The following SEMA3A variants were observed in gnomAD, a reference collection of about 807,000 sequenced individuals.
SEMA3A encodes the protein semaphorin-3A.
Under a neutral mutation model 97.9 loss-of-function variants are expected in SEMA3A, and 29 were observed. That is an observed-to-expected ratio of 0.30 (90% CI 0.22 to 0.40). The LOEUF is 0.40. Among genes scored for constraint, SEMA3A ranks in the 10% least tolerant of loss-of-function variants. The pLI, the probability that SEMA3A is intolerant of heterozygous loss-of-function variation, is 1.00. For missense variants in SEMA3A, 763 were observed against 951.3 expected, an observed-to-expected ratio of 0.80 and a Z score of 2.60; for synonymous variants, 321 against 323.7, an observed-to-expected ratio of 0.99 and a Z score of 0.09.
intron 2 of SEMA3A, among the ~76,000 whole-genome samples, chr7:84,347,371 TAAG>T (rs1802325355): frequency 1.3e-5 from 2 of 149,930 alleles, no homozygotes; most frequent in Admixed American, 6.7e-5. Flanking sequence ...TTAGCAATAA[TAAG>T]AACAGCTTAC....
chr7:84,120,999 A>C (rs184253379), intron 3 of SEMA3A, among the ~76,000 whole-genome samples: 1 of 152,242 alleles, frequency 6.6e-6, no homozygotes, highest in African/African-American at 2.4e-5. Context: ...CTCTGGATGA[A>C]AAAACCTAAA....
intron 2 of SEMA3A, among the ~76,000 whole-genome samples, chr7:84,336,854 T>C (rs1802048625): frequency 6.6e-6 from 1 of 152,160 alleles, no homozygotes; most frequent in Admixed American, 6.6e-5. Context: ...GGTTGAAGTA[T>C]GAAAAAATTA....
chr7:84,056,021 G>C (rs10239684), intron 5 of SEMA3A, among the ~76,000 whole-genome samples: 121,685 of 152,034 alleles, frequency 0.8, 48,894 homozygotes, highest in East Asian at 0.9. Context: ...GATCTTTAAG[G>C]CTCTCCAAAA....
chr7:84,408,423 G>A (rs1411584331), intron 1 of SEMA3A, among the ~76,000 whole-genome samples: 1 of 151,282 alleles, frequency 6.6e-6, no homozygotes, highest in Non-Finnish European at 1.5e-5. Flanking sequence ...GGAGAAATAG[G>A]AACACTTTTA....
chr7:84,242,645 G>A (rs1242966626), intron 3 of SEMA3A, among the ~76,000 whole-genome samples: 2 of 152,044 alleles, frequency 1.3e-5, no homozygotes, highest in Admixed American at 1.3e-4. Context: ...TTGCCTGATT[G>A]CCCTGGCCAG....
At position 84,440,135 on chromosome 7, in the gene SEMA3A, G is replaced by C. The variant is rs200276122; in HGVS notation, c.-246+52325C>G. Among the ~76,000 whole-genome samples the C allele has an allele frequency of 3.3e-5, 5 of 152,330 alleles. No individual in the cohort carries two copies. The East Asian group carries it at 9.7e-4, about 29-fold the overall frequency. ...AAAATGGCAGCGTGTAAAGCACTAGGAATCTGTCTCCTTACCTAGACAACA... is the reference window on the plus strand; with the variant it reads ...AAAATGGCAGCGTGTAAAGCACTAGCAATCTGTCTCCTTACCTAGACAACA... On this transcript the variant is annotated intron_variant, in intron 1 of 3. Transcript: ENST00000424555.
At chr7:84,116,706 G>C (rs1279079306) in intron 3 of SEMA3A, among the ~76,000 whole-genome samples, 4 of 152,150 alleles carry the variant, frequency 2.6e-5, no homozygotes, top group Non-Finnish European at 5.9e-5. Context: ...TGAGTGCACA[G>C]AGGAAGGACC....
intron 12 of SEMA3A, among the ~76,000 whole-genome samples, chr7:83,989,209 A>C: frequency 6.6e-6 from 1 of 152,228 alleles, no homozygotes; most frequent in East Asian, 1.9e-4. Context: ...CAGCTAATGT[A>C]ATTGAAGTGA....
At chr7:84,399,158 G>A (rs762114657) in intron 1 of SEMA3A, among the ~76,000 whole-genome samples, 31 of 152,258 alleles carry the variant, frequency 2.0e-4, no homozygotes, top group Admixed American at 9.8e-4. Context: ...ATTATGCATT[G>A]GAACTCAGTG....
chr7:84,108,322 T>A (rs773022022), intron 4 of SEMA3A, among the ~76,000 whole-genome samples: 2 of 149,656 alleles, frequency 1.3e-5, no homozygotes, highest in Non-Finnish European at 3.0e-5. Context: ...AATGATGGGA[T>A]TAAAACTCCT....
intron 3 of SEMA3A, among the ~76,000 whole-genome samples, chr7:84,227,266 G>A (rs1799012347): frequency 6.6e-6 from 1 of 151,810 alleles, no homozygotes; most frequent in African/African-American, 2.4e-5. Flanking sequence ...ACTAATGTAG[G>A]AAGTCTTTCT....
At chr7:84,056,153 C>A (rs989517758) in intron 5 of SEMA3A, among the ~76,000 whole-genome samples, 1 of 148,882 alleles carries the variant, frequency 6.7e-6, no homozygotes, top group Non-Finnish European at 1.5e-5. Flanking sequence ...TTTGAGGATA[C>A]GACCATTCTT....
chr7:84,266,046 T>G (rs1329898674), intron 3 of SEMA3A, among the ~76,000 whole-genome samples: 1 of 151,978 alleles, frequency 6.6e-6, no homozygotes. Flanking sequence ...TAGCTGGGCA[T>G]GGTAGCTCAC....
At chr7:84,463,360 T>C (rs1222968716) in intron 1 of SEMA3A, among the ~76,000 whole-genome samples, 1 of 147,848 alleles carries the variant, frequency 6.8e-6, no homozygotes, top group Non-Finnish European at 1.5e-5. Flanking sequence ...GCCATTCTCC[T>C]GCCTCAGCCT....
At chr7:84,086,489 T>TACATATAATATATTATTATATTA (rs1562770020) in intron 4 of SEMA3A, among the ~76,000 whole-genome samples, 1 of 59,538 alleles carries the variant, frequency 1.7e-5, no homozygotes, top group Non-Finnish European at 5.0e-5. Flanking sequence ...ATATTATATT[T>TACATATAATATATTATTATATTA]ACATATAATA....
intron 4 of SEMA3A, among the ~76,000 whole-genome samples, chr7:84,102,507 G>A (rs571190246): frequency 2.3e-4 from 34 of 150,962 alleles, no homozygotes; most frequent in African/African-American, 8.0e-4. Flanking sequence ...AGAGCCATTG[G>A]GACCCATAGA....
At chr7:84,368,033 T>C (rs570910690) in intron 2 of SEMA3A, among the ~76,000 whole-genome samples, 18 of 151,352 alleles carry the variant, frequency 1.2e-4, no homozygotes, top group African/African-American at 4.1e-4. Flanking sequence ...TTCAAGGATG[T>C]TGTAACTTGA....
chr7:84,349,757 AAG>A (rs1320625678), intron 2 of SEMA3A, among the ~76,000 whole-genome samples: 2 of 152,200 alleles, frequency 1.3e-5, no homozygotes, highest in African/African-American at 4.8e-5. Flanking sequence ...CTTAACTGAT[AAG>A]AGTGTTAAAC....
intron 7 of SEMA3A, among the ~76,000 whole-genome samples, chr7:84,012,952 G>C (rs1158207091): frequency 1.3e-5 from 2 of 151,800 alleles, no homozygotes; most frequent in African/African-American, 4.8e-5. Flanking sequence ...GTATTTTGTG[G>C]AGAAAAAAGT....
Sources: allele counts gnomAD v4.1 joint callset (sites outside exome capture counted in the v4.1 genomes callset), GRCh38; gene constraint gnomAD v4.1.1; transcripts MANE v1.5; gene names NCBI Gene and HGNC (gene_info 2026-07-23, HGNC 2026-07-21).